Variants in ATXN8OS observed in about 807,000 individuals in gnomAD.
ATXN8OS encodes ATXN8 opposite strand (non-protein coding).
intron 3 of ATXN8OS, chr13:70,130,666 T>C (rs1301203573): frequency 2.5e-6 from 1 of 398,306 alleles, no homozygotes; most frequent in Non-Finnish European, 4.4e-6. Flanking sequence ...AGCATGCTGG[T>C]TTCCATTTCA....
At position 70,112,920 on chromosome 13, in the gene ATXN8OS, ATT is replaced by A. The variant is rs759144765; in HGVS notation, n.241-2202_241-2201del. 6.9e-5 allele frequency among the ~76,000 whole-genome samples: 6 copies of A among 87,574 alleles called. No individual in the cohort carries two copies. The East Asian group carries it at 2.5e-3, about 36-fold the overall frequency. 57.5% of individuals were successfully genotyped at this position (87,574 alleles called of 152,430 possible). A position where few individuals can be genotyped will look rare whatever the true frequency, so the allele number is the denominator to read the frequency against. On this transcript the variant is annotated intron_variant and non_coding_transcript_variant, in intron 1 of 4. Transcript: ENST00000678624. Reference sequence around the variant, plus strand: ...ACTGCTGAGGGACTTTATATATATAATTTTTTTTTTTTTTTTTTTTGAGATGG... The same window carrying A: ...ACTGCTGAGGGACTTTATATATATAATTTTTTTTTTTTTTTTTTGAGATGG...
chr13:70,145,741 G>C, intron 3 of ATXN8OS, among the ~76,000 whole-genome samples: 1 of 152,084 alleles, frequency 6.6e-6, no homozygotes, highest in Non-Finnish European at 1.5e-5. Flanking sequence ...TCAGCTTAAG[G>C]AGATTTTGGG....
intron 3 of ATXN8OS, among the ~76,000 whole-genome samples, chr13:70,146,492 T>A (rs533654797): frequency 2.0e-5 from 3 of 152,266 alleles, no homozygotes; most frequent in African/African-American, 7.2e-5. Flanking sequence ...CTATTCACAA[T>A]AGCAAAGACT....
At chr13:70,170,323 G>T (rs906864679) in exon 5 of ATXN8OS, among the ~76,000 whole-genome samples, 3 of 152,036 alleles carry the variant, frequency 2.0e-5, no homozygotes, top group African/African-American at 7.2e-5. Context: ...ATGGTTTAAG[G>T]TCTTTATTCC....
At chr13:70,132,858 A>G (rs893160574) in intron 3 of ATXN8OS, among the ~76,000 whole-genome samples, 9 of 138,972 alleles carry the variant, frequency 6.5e-5, no homozygotes, top group Admixed American at 2.8e-4. Context: ...ACTAAAGTCT[A>G]TTTTTTTTTT....
chr13:70,158,125 G>A (rs1472368401), intron 4 of ATXN8OS, among the ~76,000 whole-genome samples: 1 of 152,248 alleles, frequency 6.6e-6, no homozygotes, highest in South Asian at 2.1e-4. Context: ...ACTTCTTTAA[G>A]ATAGAAGAGC....
At chr13:70,126,058 C>T (rs1201537549) in intron 2 of ATXN8OS, among the ~76,000 whole-genome samples, 2 of 152,086 alleles carry the variant, frequency 1.3e-5, no homozygotes, top group African/African-American at 4.8e-5. Flanking sequence ...GAAGGACCTT[C>T]CTGGTTTTAT....
At chr13:70,145,540 G>A (rs1288510996) in intron 3 of ATXN8OS, among the ~76,000 whole-genome samples, 1 of 152,014 alleles carries the variant, frequency 6.6e-6, no homozygotes, top group South Asian at 2.1e-4. Flanking sequence ...GCAGTGGTTT[G>A]TAGTTCTCCT....
intron 2 of ATXN8OS, among the ~76,000 whole-genome samples, chr13:70,123,459 G>A (rs1297347812): frequency 1.3e-5 from 2 of 152,192 alleles, no homozygotes; most frequent in East Asian, 3.9e-4. Flanking sequence ...CCTATTTTTA[G>A]TGTGAACACC....
At chr13:70,135,413 C>A (rs1352422702) in intron 3 of ATXN8OS, among the ~76,000 whole-genome samples, 2 of 149,558 alleles carry the variant, frequency 1.3e-5, no homozygotes, top group Admixed American at 1.3e-4. Flanking sequence ...TACTTAATGG[C>A]TCTCTCTCTC....
At chr13:70,118,432 G>A (rs770536347) in intron 2 of ATXN8OS, among the ~76,000 whole-genome samples, 1 of 151,942 alleles carries the variant, frequency 6.6e-6, no homozygotes, top group African/African-American at 2.4e-5. Context: ...CAGATATAAT[G>A]CATTATAAAG....
At chr13:70,129,317 T>C (rs1036075376) in intron 2 of ATXN8OS, among the ~76,000 whole-genome samples, 2 of 152,196 alleles carry the variant, frequency 1.3e-5, no homozygotes, top group Admixed American at 6.5e-5. Flanking sequence ...TTCTTAAATA[T>C]AATCATACTT....
intron 3 of ATXN8OS, among the ~76,000 whole-genome samples, chr13:70,144,693 T>C (rs1888759533): frequency 6.6e-6 from 1 of 152,166 alleles, no homozygotes; most frequent in Admixed American, 6.6e-5. Context: ...AATTTTTAAT[T>C]ATAATGAAAT....
chr13:70,140,423 T>A lies in ATXN8OS; in HGVS notation n.500-6932T>A, dbSNP rs1593769015. Among the ~76,000 whole-genome samples, 4 of 152,086 alleles carry A rather than the reference T, an allele frequency of 2.6e-5. No individual in the cohort carries two copies. In the South Asian group the frequency reaches 8.3e-4, roughly 32 times the overall value. On this transcript the variant is annotated intron_variant and non_coding_transcript_variant, in intron 3 of 4. Transcript: ENST00000678624. Reference sequence around the variant, plus strand: ...AAATACTTTCATTCTGTATATGCACTGAGTTATTGTAACTAATAATGCCAA... The same window carrying A: ...AAATACTTTCATTCTGTATATGCACAGAGTTATTGTAACTAATAATGCCAA...
chr13:70,143,751 A>T (rs1283077270), intron 3 of ATXN8OS, among the ~76,000 whole-genome samples: 1 of 152,164 alleles, frequency 6.6e-6, no homozygotes, highest in Admixed American at 6.5e-5. Context: ...TTTTTATGGC[A>T]GAATTCGTGT....
At chr13:70,148,454 G>C (rs953047452) in intron 4 of ATXN8OS, among the ~76,000 whole-genome samples, 1 of 152,086 alleles carries the variant, frequency 6.6e-6, no homozygotes, top group African/African-American at 2.4e-5. Context: ...CTCCAAAAGA[G>C]AAAGGATATG....
intron 3 of ATXN8OS, among the ~76,000 whole-genome samples, chr13:70,143,825 G>C (rs1317665718): frequency 6.6e-6 from 1 of 152,068 alleles, no homozygotes; most frequent in Admixed American, 6.6e-5. Flanking sequence ...AAGTTTGGGA[G>C]TATGGAAATT....
At chr13:70,129,111 C>T (rs187013001) in intron 2 of ATXN8OS, among the ~76,000 whole-genome samples, 46 of 152,250 alleles carry the variant, frequency 3.0e-4, no homozygotes, top group Non-Finnish European at 5.7e-4. Context: ...CCACCTGCCT[C>T]GGCCTCCCAA....
chr13:70,152,359 G>GTATACA (rs1566614436), intron 4 of ATXN8OS, among the ~76,000 whole-genome samples: 3 of 113,684 alleles, frequency 2.6e-5, no homozygotes, highest in East Asian at 5.2e-4. Flanking sequence ...GTGTGTGTGT[G>GTATACA]TATATATACA....
Sources: gnomAD v4.1 joint callset for allele counts (sites outside exome capture counted in the v4.1 genomes callset) on GRCh38, gnomAD v4.1.1 for gene constraint, MANE v1.5 for transcripts, NCBI Gene and HGNC (gene_info 2026-07-23, HGNC 2026-07-21) for gene names.